OR10G2: variants seen among roughly 807,000 people sequenced by gnomAD.
OR10G2 encodes the protein olfactory receptor 10G2.
For synonymous variants in OR10G2, 147 were observed against 164.2 expected, an observed-to-expected ratio of 0.90 and a Z score of 0.80; for missense variants, 396 against 387.6, an observed-to-expected ratio of 1.02 and a Z score of -0.18.
In OR10G2 at chr14:21,634,215, C is replaced by A. The variant is rs1341875443; in HGVS notation, c.628G>T (p.Val210Leu). The change falls in exon 1 of 1, where the codon GTA becomes TTA. Residue 210 changes from valine (V) to leucine (L), a missense_variant. Transcript: ENST00000542433. ...NELVTFVDVG[V>L]VAASCFMLIL... ...AACATGAAGCAACTGGCGGCCACTA[C>A]CCCGACGTCCACAAAGGTCACAAGC... The A allele has an allele frequency of 6.2e-7, 1 of 1,614,172 alleles. No homozygotes were observed.
Position 21,634,375 on chromosome 14 carries a change from G to A in OR10G2, c.468C>T (p.Ala156=), listed in dbSNP as rs190695639. The change falls in exon 1 of 1, where the codon GCC becomes GCT. Residue 156 remains alanine (A), a synonymous_variant. Coordinates refer to ENST00000542433, the MANE Select transcript of OR10G2 (RefSeq NM_001005466.2). ...CCTGGATAGACCCATGCATGGAGCC[G>A]GCGACCCAAGCTCCAGCCACAAGGA... ...CTVLVAGAWV[A]GSMHGSIQAT... is the part of the protein sequence containing the mutation. The A allele has an allele frequency of 1.1e-4, 171 of 1,614,178 alleles. 1 individual carries two copies. In the East Asian group the frequency reaches 1.3e-3, roughly 13 times the overall value.
At position 21,634,675 on chromosome 14, in the gene OR10G2, G is replaced by T. The variant is rs757216491; in HGVS notation, c.168C>A (p.Asp56Glu). 1.2e-6 allele frequency: 2 copies of T among 1,614,152 alleles called. No individual in the cohort carries two copies. The highest frequency in any genetic ancestry group is 2.2e-5 in the South Asian group (2 of 91,082). ...ACATGGGGCGAGCACAGAGCTTCGG[G>T]TCAGCCCACATGGTGAGCAGAATGA... ...NLLILLTMWA[D>E]PKLCARPMYI... is the part of the protein sequence containing the mutation. Residue 56 changes from aspartate (D) to glutamate (E), a missense_variant, in exon 1 of 1, where the codon GAC becomes GAA. Transcript: ENST00000542433.
rs1878597616 is a variant in OR10G2 at position 21,634,179 on chromosome 14, A to G, written c.664T>C (p.Ser222Pro). The G allele has an allele frequency of 1.2e-6, 2 of 1,614,038 alleles. No homozygotes were observed. Among genetic ancestry groups the G allele is most frequent in the African/African-American group, 1.3e-5 (1 of 74,914 alleles). Residue 222 changes from serine to proline, a missense_variant, in exon 1 of 1, where the codon TCG (serine) becomes CCG (proline). Transcript: ENST00000542433. ...AASCFMLILL[S>P]YANIVNAILK... Reference sequence around the variant, plus strand: ...ATGGCATTTACTATGTTGGCATACGAGAGCAGAATTAACATGAAGCAACTG... The same window carrying G: ...ATGGCATTTACTATGTTGGCATACGGGAGCAGAATTAACATGAAGCAACTG...
In OR10G2 at chr14:21,634,596, C is replaced by T. The variant is rs149827969; in HGVS notation, c.247G>A (p.Val83Ile). The T allele has an allele frequency of 3.2e-5, 52 of 1,613,970 alleles. No homozygotes were observed. Among genetic ancestry groups the T allele is most frequent in the South Asian group, 9.9e-5 (9 of 91,080 alleles). The change falls in exon 1 of 1, where the codon GTT becomes ATT. Residue 83 changes from valine to isoleucine, a missense_variant. Val to Ile is a conservative substitution (Grantham distance 29, BLOSUM62 3). Coordinates refer to ENST00000542433, the MANE Select transcript of OR10G2 (RefSeq NM_001005466.2). ...FLDMWLSSVTVPLLILDFTPS... is the reference protein window; with the variant it reads ...FLDMWLSSVTIPLLILDFTPS... ...GTAAAATCCAAAATAAGCAGAGGAACGGTGACTGAGGAGAGCCACATGTCC... is the reference window on the plus strand; with the variant it reads ...GTAAAATCCAAAATAAGCAGAGGAATGGTGACTGAGGAGAGCCACATGTCC...
At position 21,634,212 on chromosome 14, in the gene OR10G2, C is replaced by T. The variant is rs551630262; in HGVS notation, c.631G>A (p.Val211Met). Residue 211 changes from valine (V) to methionine (M), a missense_variant, in exon 1 of 1, where the codon GTG becomes ATG. Transcript: ENST00000542433. ...ELVTFVDVGV[V>M]AASCFMLILL... Reference sequence around the variant, plus strand: ...ATTAACATGAAGCAACTGGCGGCCACTACCCCGACGTCCACAAAGGTCACA... The same window carrying T: ...ATTAACATGAAGCAACTGGCGGCCATTACCCCGACGTCCACAAAGGTCACA... 6.2e-7 allele frequency: 1 copy of T among 1,614,188 alleles called. No individual in the cohort carries two copies. Among genetic ancestry groups the T allele is most frequent in the East Asian group, 2.2e-5 (1 of 44,886 alleles).
chr14:21,634,870 G>T lies in OR10G2; in HGVS notation c.-28C>A. ...CTTTTTGTAGTCTGCTAAGATGAAT[G>T]GTGACGTTTGACAAGAGAAACACAG... On this transcript the variant is annotated 5_prime_UTR_variant, in exon 1 of 1. Coordinates refer to ENST00000542433, the MANE Select transcript of OR10G2 (RefSeq NM_001005466.2). The T allele has an allele frequency of 6.5e-7, 1 of 1,533,366 alleles. No individual in the cohort carries two copies. Among genetic ancestry groups the T allele is most frequent in the South Asian group, 1.3e-5 (1 of 79,836 alleles). 95.0% of individuals were successfully genotyped at this position (1,533,366 alleles called of 1,614,324 possible). A position where few individuals can be genotyped will look rare whatever the true frequency, so the allele number is the denominator to read the frequency against.
Position 21,634,108 on chromosome 14 carries a change from G to A in OR10G2, c.735C>T (p.Thr245=), listed in dbSNP as rs1309004943. 6.2e-7 allele frequency: 1 copy of A among 1,613,764 alleles called. No individual in the cohort carries two copies. The highest frequency in any genetic ancestry group is 1.3e-5 in the African/African-American group (1 of 74,910). ...TGACCACGATTAGGTGGGAGCCACA[G>A]GTGGAGAAGGCCCGGCGCCTCCCAT... ...TTDGRRRAFS[T]CGSHLIVVTV... The change falls in exon 1 of 1, where the codon ACC becomes ACT. Residue 245 remains threonine, a synonymous_variant. Coordinates refer to ENST00000542433, the MANE Select transcript of OR10G2 (RefSeq NM_001005466.2).
rs755731480 is a variant in OR10G2 at position 21,634,861 on chromosome 14, A to G, written c.-19T>C. On this transcript the variant is annotated 5_prime_UTR_variant, in exon 1 of 1. Coordinates refer to ENST00000542433, the MANE Select transcript of OR10G2 (RefSeq NM_001005466.2). ...TTCCCATGTCTTTTTGTAGTCTGCT[A>G]AGATGAATGGTGACGTTTGACAAGA... 1 of 1,566,102 alleles carries G rather than the reference A, an allele frequency of 6.4e-7. No individual in the cohort carries two copies. The highest frequency in any genetic ancestry group is 8.7e-7 in the Non-Finnish European group (1 of 1,154,012).
rs1878639932 is a variant in OR10G2 at position 21,634,638 on chromosome 14, C to T, written c.205G>A (p.Gly69Arg). The change falls in exon 1 of 1, where the codon GGA becomes AGA. Residue 69 changes from glycine (G) to arginine (R), a missense_variant. Physicochemically the swap from Gly to Arg is moderately radical, Grantham distance 125. Coordinates refer to ENST00000542433, the MANE Select transcript of OR10G2 (RefSeq NM_001005466.2). ...CACATGTCCAGGAATGAGAGCACTC[C>T]CAGAAGAATGTACATGGGGCGAGCA... ...LCARPMYILL[G>R]VLSFLDMWLS... 4 of 1,613,942 alleles carry T rather than the reference C, an allele frequency of 2.5e-6. No individual in the cohort carries two copies. Among genetic ancestry groups the T allele is most frequent in the Non-Finnish European group, 3.4e-6 (4 of 1,180,018 alleles).
rs1193084740 is a variant in OR10G2 at position 21,634,244 on chromosome 14, T to C, written c.599A>G (p.Asn200Ser). The C allele has an allele frequency of 3.1e-6, 5 of 1,614,182 alleles. No homozygotes were observed. The highest frequency in any genetic ancestry group is 1.3e-5 in the African/African-American group (1 of 75,050). Reference protein sequence around the residue: ...LRLACADTTVNELVTFVDVGV... With the variant: ...LRLACADTTVSELVTFVDVGV... ...GACGTCCACAAAGGTCACAAGCTCATTGACAGTTGTGTCAGCACAGGCCAG... is the reference window on the plus strand; with the variant it reads ...GACGTCCACAAAGGTCACAAGCTCACTGACAGTTGTGTCAGCACAGGCCAG... The change falls in exon 1 of 1, where the codon AAT (asparagine) becomes AGT (serine). Residue 200 changes from asparagine to serine, a missense_variant. By Grantham distance (46) the Asn-to-Ser change is conservative. Transcript: ENST00000542433.
chr14:21,634,552 G>T lies in OR10G2; in HGVS notation c.291C>A (p.Ile97=), dbSNP rs1878631900. 6.2e-7 allele frequency: 1 copy of T among 1,614,148 alleles called. No individual in the cohort carries two copies. The highest frequency in any genetic ancestry group is 8.5e-7 in the Non-Finnish European group (1 of 1,180,012). ...ILDFTPSIKA[I]PFGGCVAQLY... Reference sequence around the variant, plus strand: ...GTTGAGCCACACAGCCACCAAACGGGATAGCCTTGATGGAAGGAGTAAAAT... The same window carrying T: ...GTTGAGCCACACAGCCACCAAACGGTATAGCCTTGATGGAAGGAGTAAAAT... Residue 97 remains isoleucine, a synonymous_variant, in exon 1 of 1, where the codon ATC becomes ATA. Coordinates refer to ENST00000542433, the MANE Select transcript of OR10G2 (RefSeq NM_001005466.2).
chr14:21,634,339 G>A lies in OR10G2; in HGVS notation c.504C>T (p.Thr168=), dbSNP rs1490659627. ...SMHGSIQATL[T]FRLPYCGPNQ... Reference sequence around the variant, plus strand: ...TGGGCCCACAGTAGGGCAGGCGGAAGGTCAAGGTGGCCTGGATAGACCCAT... The same window carrying A: ...TGGGCCCACAGTAGGGCAGGCGGAAAGTCAAGGTGGCCTGGATAGACCCAT... The change falls in exon 1 of 1, where the codon ACC becomes ACT. Residue 168 remains threonine, a synonymous_variant. Coordinates refer to ENST00000542433, the MANE Select transcript of OR10G2 (RefSeq NM_001005466.2). 6.2e-7 allele frequency: 1 copy of A among 1,614,090 alleles called. No individual in the cohort carries two copies. The highest frequency in any genetic ancestry group is 8.5e-7 in the Non-Finnish European group (1 of 1,180,046).
Position 21,634,361 on chromosome 14 carries a change from C to T in OR10G2, c.482G>A (p.Gly161Glu). 6.2e-7 allele frequency: 1 copy of T among 1,614,200 alleles called. No individual in the cohort carries two copies. Among genetic ancestry groups the T allele is most frequent in the Non-Finnish European group, 8.5e-7 (1 of 1,180,038 alleles). Residue 161 changes from glycine (G) to glutamate (E), a missense_variant, in exon 1 of 1, where the codon GGG (glycine) becomes GAG (glutamate). By Grantham distance (98) the Gly-to-Glu change is moderately conservative. Transcript: ENST00000542433. ...AGAWVAGSMH[G>E]SIQATLTFRL... ...GAAGGTCAAGGTGGCCTGGATAGAC[C>T]CATGCATGGAGCCGGCGACCCAAGC...
Position 21,634,204 on chromosome 14 carries a change from G to T in OR10G2, c.639C>A (p.Ala213=). 6.2e-7 allele frequency: 1 copy of T among 1,614,192 alleles called. No individual in the cohort carries two copies. The highest frequency in any genetic ancestry group is 8.5e-7 in the Non-Finnish European group (1 of 1,180,026). ...VTFVDVGVVA[A]SCFMLILLSY... ...AGAGCAGAATTAACATGAAGCAACT[G>T]GCGGCCACTACCCCGACGTCCACAA... Residue 213 remains alanine (A), a synonymous_variant, in exon 1 of 1, where the codon GCC becomes GCA. Transcript: ENST00000542433.
chr14:21,633,924 T>C lies in OR10G2; in HGVS notation c.919A>G (p.Ile307Val), dbSNP rs751668801. Residue 307 changes from isoleucine to valine, a missense_variant, in exon 1 of 1, where the codon ATA becomes GTA. Ile to Val is a conservative substitution (Grantham distance 29, BLOSUM62 3). Transcript: ENST00000542433. ...CATTCAGTCCTTCAACCTGCTGTTA[T>C]CCTCTTCAGGGCAGACTTCACTTCC... ...NQEVKSALKR[I>V]TAG The C allele has an allele frequency of 1.7e-5, 27 of 1,605,016 alleles. No homozygotes were observed. The highest frequency in any genetic ancestry group is 2.2e-5 in the Non-Finnish European group (26 of 1,176,300).
In OR10G2 at chr14:21,634,055, A is replaced by G; in HGVS notation, c.788T>C (p.Ile263Thr). The change falls in exon 1 of 1, where the codon ATC becomes ACC. Residue 263 changes from isoleucine to threonine, a missense_variant. Transcript: ENST00000542433. ...VTVYYVPCIFIYLRAGSKDPL... is the reference protein window; with the variant it reads ...VTVYYVPCIFTYLRAGSKDPL... ...GTCTTTGGAGCCAGCCCTAAGGTAG[A>G]TGAAAATACAGGGGACATAGTAGAC... The G allele has an allele frequency of 6.2e-7, 1 of 1,614,174 alleles. No individual in the cohort carries two copies. Among genetic ancestry groups the G allele is most frequent in the Non-Finnish European group, 8.5e-7 (1 of 1,180,018 alleles).
In OR10G2 at chr14:21,633,917, G is replaced by T; in HGVS notation, c.926C>A (p.Ala309Glu). The change falls in exon 1 of 1, where the codon GCA (alanine) becomes GAA (glutamate). Residue 309 changes from alanine (A) to glutamate (E), a missense_variant. Physicochemically the swap from Ala to Glu is moderately radical, Grantham distance 107 (BLOSUM62 -1). Transcript: ENST00000542433. ...TTATTTTCATTCAGTCCTTCAACCT[G>T]CTGTTATCCTCTTCAGGGCAGACTT... Reference protein sequence around the residue: ...EVKSALKRITAG With the variant: ...EVKSALKRITEG 6.2e-7 allele frequency: 1 copy of T among 1,602,112 alleles called. No homozygotes were observed. Among genetic ancestry groups the T allele is most frequent in the South Asian group, 1.1e-5 (1 of 89,054 alleles).
chr14:21,634,757 C>A lies in OR10G2; in HGVS notation c.86G>T (p.Ser29Ile). The change falls in exon 1 of 1, where the codon AGC becomes ATC. Residue 29 changes from serine to isoleucine, a missense_variant. Ser to Ile is a moderately radical substitution (Grantham distance 142). Coordinates refer to ENST00000542433, the MANE Select transcript of OR10G2 (RefSeq NM_001005466.2). ...LGLSHPPNLR[S>I]LLFLVFFIIY... ...GATGAAGAAGACCAGGAAGAGGAGG[C>A]TTCTTAGATTTGGGGGGTGAGACAA... 6.2e-7 allele frequency: 1 copy of A among 1,614,078 alleles called. No individual in the cohort carries two copies.
rs367967394 is a variant in OR10G2, at chr14:21,634,687, G to C, written c.156C>G (p.Thr52=). 16 of 1,614,072 alleles carry C rather than the reference G, an allele frequency of 9.9e-6. No homozygotes were observed. The African/African-American group carries it at 1.6e-4, about 16-fold the overall frequency. The part of the protein sequence containing the change: ...TQLGNLLILL[T]MWADPKLCAR... ...CACAGAGCTTCGGGTCAGCCCACATGGTGAGCAGAATGAGCAGGTTCCCCA... is the reference window on the plus strand; with the variant it reads ...CACAGAGCTTCGGGTCAGCCCACATCGTGAGCAGAATGAGCAGGTTCCCCA... The change falls in exon 1 of 1, where the codon ACC becomes ACG. Residue 52 remains threonine, a synonymous_variant. Transcript: ENST00000542433.
Sources: allele counts gnomAD v4.1 joint callset, GRCh38; gene constraint gnomAD v4.1.1; transcripts MANE v1.5; gene names NCBI Gene and HGNC (gene_info 2026-07-23, HGNC 2026-07-21).